The following MCCC1 variants were observed in gnomAD, a reference collection of about 807,000 sequenced individuals.
MCCC1 encodes methylcrotonyl-CoA carboxylase subunit 1, also known as methylcrotonoyl-CoA carboxylase subunit alpha, mitochondrial.
MCCC1 carries 64 observed loss-of-function variants against 83.8 expected under a neutral mutation model. The ratio of observed to expected loss-of-function variants is 0.76; its 90% CI spans 0.62 to 0.94. The LOEUF (loss-of-function observed/expected upper bound fraction) is 0.94, where lower values mean the gene tolerates loss of function less well. MCCC1 is among the 40% of genes least tolerant of loss of function. The pLI, the probability that MCCC1 is intolerant of heterozygous loss-of-function variation, is 0.00. For missense variants in MCCC1, 807 were observed against 904.7 expected (o/e 0.89, Z 1.39); for synonymous variants, 322 against 315.4 (o/e 1.02, Z -0.22).
chr3:183,112,517 A>G (rs1719515957), intron 1 of MCCC1, among the ~76,000 whole-genome samples: 1 of 152,196 alleles, frequency 6.6e-6, no homozygotes, highest in Admixed American at 6.5e-5. Flanking sequence ...ACCTTTTATT[A>G]TGGAAAAGCT....
chr3:183,105,980 T>A (rs1719395913), intron 1 of MCCC1, among the ~76,000 whole-genome samples: 2 of 149,202 alleles, frequency 1.3e-5, no homozygotes, highest in Non-Finnish European at 3.0e-5. Flanking sequence ...TCCCAGCTAC[T>A]CAGGAGGTTG....
At chr3:183,069,299 T>C (rs1265711786) in intron 7 of MCCC1, among the ~76,000 whole-genome samples, 1 of 152,230 alleles carries the variant, frequency 6.6e-6, no homozygotes. Flanking sequence ...AACTTACATA[T>C]TCAAAAAATG....
At chr3:183,084,222 C>A (rs1717724077) in intron 4 of MCCC1, among the ~76,000 whole-genome samples, 1 of 152,192 alleles carries the variant, frequency 6.6e-6, no homozygotes. Context: ...CTAACGAGCT[C>A]ATAATGTCAA....
At chr3:183,055,268 C>T (rs764301152) in intron 8 of MCCC1, among the ~76,000 whole-genome samples, 1 of 150,562 alleles carries the variant, frequency 6.6e-6, no homozygotes, top group Admixed American at 6.6e-5. Context: ...AAAAATTAGC[C>T]GGGTGTGGTG....
chr3:183,041,894 T>C (rs1714120425), intron 10 of MCCC1, 144 bp from the exon 11 acceptor site: 7 of 931,968 alleles, frequency 7.5e-6, no homozygotes, highest in Non-Finnish European at 1.2e-5. Flanking sequence ...TTTTGTCTAC[T>C]CATTTGAGTA....
intron 1 of MCCC1, among the ~76,000 whole-genome samples, chr3:183,097,398 TTTTTTG>T (rs1718820724): frequency 1.3e-5 from 2 of 152,206 alleles, no homozygotes; most frequent in African/African-American, 4.8e-5. Context: ...CTGTTAAGAT[TTTTTTG>T]TTTTTGTTTT....
chr3:183,103,934 C>T (rs1181587818), upstream of MCCC1, among the ~76,000 whole-genome samples: 3 of 152,206 alleles, frequency 2.0e-5, no homozygotes, highest in African/African-American at 4.8e-5. Flanking sequence ...AGCGCAGCGC[C>T]GGTGGGCCGG....
In MCCC1 at chr3:183,029,600, C is replaced by A. The variant is rs181989461; in HGVS notation, c.1682-3796G>T. 4.4e-3 allele frequency among the ~76,000 whole-genome samples: 674 copies of A among 152,328 alleles called. 5 individuals carry two copies. The highest frequency in any genetic ancestry group is 0.014 in the Middle Eastern group (4 of 294). ...GCCTCTAGTAGCAGAGAATAGCTTG[C>A]AAACCCTGAATACTTAAAACAGTTG... On this transcript the variant is annotated intron_variant, in intron 14 of 18. Transcript: ENST00000265594.
chr3:183,034,454 C>CAA (rs1281645615), intron 13 of MCCC1, among the ~76,000 whole-genome samples: 647 of 48,936 alleles, frequency 0.013, 49 homozygotes, highest in African/African-American at 0.016. Flanking sequence ...GACTCCGTCT[C>CAA]AAAAAAAAAA....
chr3:183,048,732 C>T (rs1714738685), intron 9 of MCCC1, among the ~76,000 whole-genome samples: 1 of 152,148 alleles, frequency 6.6e-6, no homozygotes, highest in Admixed American at 6.5e-5. Context: ...TTGAATTCAA[C>T]AACACCATCA....
At chr3:183,068,844 C>T (rs7622965) in intron 7 of MCCC1, among the ~76,000 whole-genome samples, 10,686 of 152,128 alleles carry the variant, frequency 0.07, 1,086 homozygotes, top group African/African-American at 0.22. Flanking sequence ...AATACAGTAA[C>T]GTTTGTACAG....
chr3:183,087,451 A>G (rs1166036670), intron 3 of MCCC1, among the ~76,000 whole-genome samples: 1 of 152,122 alleles, frequency 6.6e-6, no homozygotes, highest in African/African-American at 2.4e-5. Context: ...ACATTCACAC[A>G]CTTAATGACA....
At chr3:183,082,121 C>T (rs935794614) in intron 4 of MCCC1, among the ~76,000 whole-genome samples, 1 of 152,198 alleles carries the variant, frequency 6.6e-6, no homozygotes. Context: ...TCTGCTCATC[C>T]ACACACTCTC....
chr3:183,051,698 C>T (rs763637224), intron 9 of MCCC1, among the ~76,000 whole-genome samples: 3 of 150,456 alleles, frequency 2.0e-5, no homozygotes, highest in Non-Finnish European at 4.4e-5. Flanking sequence ...AATGTAGGGT[C>T]GCTGACTGTA....
At chr3:183,070,850 C>A in intron 7 of MCCC1, 149 bp downstream of exon 7, 1 of 924,946 alleles carries the variant, frequency 1.1e-6, no homozygotes, top group Non-Finnish European at 1.6e-6. Context: ...TACCATCCTA[C>A]AATCAGTGGT....
chr3:183,016,533 T>G (rs1274036652), intron 18 of MCCC1, among the ~76,000 whole-genome samples: 1 of 152,176 alleles, frequency 6.6e-6, no homozygotes, highest in Non-Finnish European at 1.5e-5. Flanking sequence ...GCCCAGCCTT[T>G]CAAAAGTATT....
At chr3:183,112,022 G>T (rs1719503274) in intron 1 of MCCC1, among the ~76,000 whole-genome samples, 1 of 151,972 alleles carries the variant, frequency 6.6e-6, no homozygotes, top group South Asian at 2.1e-4. Context: ...AAATGGAAGT[G>T]CTCTGAGTCT....
At chr3:183,104,011 G>A (rs986549849), upstream of MCCC1, among the ~76,000 whole-genome samples, 2 of 152,138 alleles carry the variant, frequency 1.3e-5, no homozygotes, top group Non-Finnish European at 2.9e-5. Context: ...TCATTGCCCC[G>A]GGCCGGCAGG....
chr3:183,075,071 G>A (rs1716967455), intron 4 of MCCC1, among the ~76,000 whole-genome samples: 1 of 152,200 alleles, frequency 6.6e-6, no homozygotes, highest in Non-Finnish European at 1.5e-5. Flanking sequence ...TGGCTGCATA[G>A]TATTCCGTGG....
Sources: allele counts gnomAD v4.1 joint callset (sites outside exome capture counted in the v4.1 genomes callset), GRCh38; gene constraint gnomAD v4.1.1; transcripts MANE v1.5; gene names NCBI Gene and HGNC (gene_info 2026-07-23, HGNC 2026-07-21).